Variants in CRISPLD2 observed in about 807,000 individuals in gnomAD.
The protein encoded by CRISPLD2 is cysteine rich secretory protein LCCL domain containing 2, also known as cysteine-rich secretory protein LCCL domain-containing 2.
CRISPLD2 carries 47 observed loss-of-function variants against 71.1 expected under a neutral mutation model. The observed-to-expected ratio is 0.66, with a 90% CI of 0.52 to 0.84. The LOEUF (loss-of-function observed/expected upper bound fraction) is 0.84. Among genes scored for constraint, CRISPLD2 ranks in the 40% least tolerant of loss-of-function variants. CRISPLD2 has a pLI of 0.00. For missense variants in CRISPLD2, 830 were observed against 651.1 expected, an observed-to-expected ratio of 1.27 and a Z score of -2.99; for synonymous variants, 317 against 250.1, an observed-to-expected ratio of 1.27 and a Z score of -2.52.
chr16:84,901,039 A>ACACG (rs930035535), intron 14 of CRISPLD2, among the ~76,000 whole-genome samples: 2 of 145,292 alleles, frequency 1.4e-5, no homozygotes, highest in African/African-American at 5.6e-5. Flanking sequence ...ACACACACAC[A>ACACG]CACACGCAAA....
chr16:84,824,658 G>A (rs890268477), intron 1 of CRISPLD2, among the ~76,000 whole-genome samples: 23 of 152,212 alleles, frequency 1.5e-4, no homozygotes, highest in Admixed American at 6.5e-4. Context: ...CTGGCTGGGA[G>A]GAAGTAACTG....
chr16:84,830,856 G>A lies in CRISPLD2; in HGVS notation c.-74-7566G>A, dbSNP rs73250014. Among the ~76,000 whole-genome samples the A allele has an allele frequency of 9.5e-3, 1,445 of 152,308 alleles. 26 individuals carry two copies. Among genetic ancestry groups the A allele is most frequent in the African/African-American group, 0.033 (1,368 of 41,544 alleles). On this transcript the variant is annotated intron_variant, in intron 1 of 14. Transcript: ENST00000262424. The stretch of plus-strand genomic sequence containing the variant: ...TGCGTGATGGAAAGGCTGCGTGACC[G>A]TGTGCTTCTGGGGATCTCTTTCCAG...
chr16:84,841,665 G>A (rs1178000265), intron 2 of CRISPLD2, among the ~76,000 whole-genome samples: 10 of 151,766 alleles, frequency 6.6e-5, no homozygotes, highest in Admixed American at 2.0e-4. Context: ...GCGTGATCTC[G>A]GCTCACTGCA....
intron 7 of CRISPLD2, among the ~76,000 whole-genome samples, chr16:84,867,842 C>T (rs1917583573): frequency 6.6e-6 from 1 of 152,210 alleles, no homozygotes; most frequent in African/African-American, 2.4e-5. Context: ...GCTCCCTGGG[C>T]ACCTCAGCTC....
intron 7 of CRISPLD2, among the ~76,000 whole-genome samples, chr16:84,868,065 A>C (rs1232614829): frequency 2.0e-5 from 3 of 152,130 alleles, no homozygotes; most frequent in Non-Finnish European, 4.4e-5. Flanking sequence ...AAGGCCCTAA[A>C]ACTGGACCCC....
intron 6 of CRISPLD2, among the ~76,000 whole-genome samples, chr16:84,855,897 A>T (rs1217630385): frequency 6.6e-6 from 1 of 152,248 alleles, no homozygotes; most frequent in Non-Finnish European, 1.5e-5. Flanking sequence ...AATAAATCTT[A>T]TGTCCCATGA....
chr16:84,886,816 C>A (rs533125351), intron 13 of CRISPLD2, among the ~76,000 whole-genome samples: 1 of 151,946 alleles, frequency 6.6e-6, no homozygotes, highest in African/African-American at 2.4e-5. Context: ...TCCTGTCCCC[C>A]GACAAAAAAA....
chr16:84,835,926 T>C (rs1012635802), intron 1 of CRISPLD2, among the ~76,000 whole-genome samples: 1 of 152,198 alleles, frequency 6.6e-6, no homozygotes, highest in Non-Finnish European at 1.5e-5. Context: ...TGTTTTATTT[T>C]GTTAAGCACA....
chr16:84,838,874 T>C, intron 2 of CRISPLD2, 139 bp downstream of exon 2: 3 of 1,095,656 alleles, frequency 2.7e-6, no homozygotes, highest in Non-Finnish European at 4.0e-6. Flanking sequence ...CAGGGGAGGA[T>C]CCCGGCTCTG....
At chr16:84,885,572 C>G (rs758243398) in intron 13 of CRISPLD2, among the ~76,000 whole-genome samples, 3 of 152,192 alleles carry the variant, frequency 2.0e-5, no homozygotes, top group Non-Finnish European at 1.5e-5. Context: ...CGGGACCCCG[C>G]TTTGGGCTAA....
At chr16:84,875,414 CTTTTTTTTTTT>C (rs34028519) in intron 11 of CRISPLD2, among the ~76,000 whole-genome samples, 9 of 87,772 alleles carry the variant, frequency 1.0e-4, no homozygotes, top group African/African-American at 5.0e-4. Flanking sequence ...TATGCATGGA[CTTTTTTTTTTT>C]TTTTTTTTTT....
At chr16:84,887,405 T>G (rs746161368) in intron 13 of CRISPLD2, among the ~76,000 whole-genome samples, 3 of 152,182 alleles carry the variant, frequency 2.0e-5, no homozygotes, top group Non-Finnish European at 2.9e-5. Flanking sequence ...CACTCGGTTG[T>G]GAATGGAGGC....
intron 4 of CRISPLD2, 96 bp from the exon 5 acceptor site, chr16:84,850,472 C>G (rs1917055289): frequency 1.1e-6 from 1 of 921,870 alleles, no homozygotes; most frequent in Admixed American, 1.8e-5. Context: ...CACCTCGTAC[C>G]TCTTTAGTGC....
At chr16:84,843,648 C>A (rs1304192785) in intron 2 of CRISPLD2, among the ~76,000 whole-genome samples, 8 of 152,174 alleles carry the variant, frequency 5.3e-5, no homozygotes, top group Non-Finnish European at 1.5e-5. Flanking sequence ...AAATCAGTTC[C>A]AAGTAAATGT....
chr16:84,871,416 G>A (rs1185644628), intron 8 of CRISPLD2, among the ~76,000 whole-genome samples: 1 of 152,090 alleles, frequency 6.6e-6, no homozygotes, highest in Non-Finnish European at 1.5e-5. Context: ...GTGCACACCT[G>A]TAGTCCCAGC....
chr16:84,842,140 C>G (rs932697677), intron 2 of CRISPLD2: 2 of 152,618 alleles, frequency 1.3e-5, no homozygotes, highest in African/African-American at 4.8e-5. Context: ...GTGAGAAAGG[C>G]TCCTGGAAGC....
Position 84,845,675 on chromosome 16 carries a change from G to A in CRISPLD2, c.241-111G>A, listed in dbSNP as rs1196852063. On this transcript the variant is annotated intron_variant, in intron 2 of 14. Transcript: ENST00000262424. ...AGGAACCCAGCAATACAGCAGCAGA[G>A]CATTGGCTGTAGGCTCCACAGGAGC... 5 of 752,072 alleles carry A rather than the reference G, an allele frequency of 6.6e-6. No homozygotes were observed. In the East Asian group the frequency reaches 1.0e-4, roughly 15 times the overall value. 46.6% of individuals were successfully genotyped at this position (752,072 alleles called of 1,614,324 possible).
intron 6 of CRISPLD2, among the ~76,000 whole-genome samples, chr16:84,861,274 G>A (rs2087995): frequency 0.44 from 66,494 of 151,814 alleles, 14,721 homozygotes; most frequent in South Asian, 0.54. Context: ...ACCACTCCTG[G>A]TACCAAAATC....
intron 11 of CRISPLD2, 48 bp from the exon 12 acceptor site, chr16:84,877,390 C>A (rs773969654): frequency 1.9e-6 from 3 of 1,558,316 alleles, no homozygotes; most frequent in Non-Finnish European, 2.7e-6. Context: ...TAGCCTGAGG[C>A]CCAGGCGTGC....
Sources: gnomAD v4.1 joint callset for allele counts (sites outside exome capture counted in the v4.1 genomes callset) on GRCh38, gnomAD v4.1.1 for gene constraint, MANE v1.5 for transcripts, NCBI Gene and HGNC (gene_info 2026-07-23, HGNC 2026-07-21) for gene names.